MAGI2: variants seen among roughly 807,000 people sequenced by gnomAD.
MAGI2 encodes the protein membrane associated guanylate kinase, WW and PDZ domain containing 2.
MAGI2 carries 35 observed loss-of-function variants against 133.3 expected under a neutral mutation model. The observed-to-expected ratio is 0.26, with a 90% CI of 0.20 to 0.35. MAGI2 has a LOEUF of 0.35. Among genes scored for constraint, MAGI2 ranks in the 10% least tolerant of loss-of-function variants. The pLI is 1.00. For synonymous variants in MAGI2, 729 were observed against 710.6 expected, an observed-to-expected ratio of 1.03 and a Z score of -0.41; for missense variants, 1,636 against 1,863.4, an observed-to-expected ratio of 0.88 and a Z score of 2.25.
chr7:78,936,578 A>G (rs554687347), intron 2 of MAGI2, among the ~76,000 whole-genome samples: 25 of 152,052 alleles, frequency 1.6e-4, no homozygotes, highest in Non-Finnish European at 2.6e-4. Flanking sequence ...CCTGAAAAGA[A>G]TAACACTAAA....
chr7:79,271,870 A>G (rs1834905187), intron 1 of MAGI2, among the ~76,000 whole-genome samples: 1 of 152,032 alleles, frequency 6.6e-6, no homozygotes, highest in Admixed American at 6.6e-5. Context: ...CTGCCCCCTC[A>G]CAAACTCTCC....
At chr7:78,782,379 G>C (rs765071911) in intron 2 of MAGI2, among the ~76,000 whole-genome samples, 8 of 152,160 alleles carry the variant, frequency 5.3e-5, no homozygotes, top group Non-Finnish European at 1.0e-4. Flanking sequence ...AGTAGGCCGA[G>C]AGTCAGTGCG....
chr7:78,138,763 A>G lies in MAGI2; in HGVS notation c.2846-3557T>C, dbSNP rs77917689. 3.8e-3 allele frequency among the ~76,000 whole-genome samples: 578 copies of G among 152,278 alleles called. 12 individuals carry two copies. The South Asian group carries it at 0.043, about 11-fold the overall frequency. ...TTGCTCATTTTAAATCCTTATAGCA[A>G]TAGTGTGAAGTAGCTGTAAAAGTAT... On this transcript the variant is annotated intron_variant, in intron 16 of 21. Coordinates refer to ENST00000354212, the MANE Select transcript of MAGI2 (RefSeq NM_012301.4).
chr7:78,430,099 C>G (rs1009940139), intron 6 of MAGI2, among the ~76,000 whole-genome samples: 2 of 152,128 alleles, frequency 1.3e-5, no homozygotes, highest in African/African-American at 2.4e-5. Flanking sequence ...AATGCAGATT[C>G]CAATTCCATA....
intron 1 of MAGI2, among the ~76,000 whole-genome samples, chr7:79,138,976 C>CA (rs57907314): frequency 0.026 from 1,646 of 64,222 alleles, 24 homozygotes; most frequent in Non-Finnish European, 0.034. Context: ...ACTCTTGTCT[C>CA]AAAAAAAAAA....
At chr7:79,339,756 G>T (rs1239579290) in intron 1 of MAGI2, among the ~76,000 whole-genome samples, 1 of 152,078 alleles carries the variant, frequency 6.6e-6, no homozygotes, top group Non-Finnish European at 1.5e-5. Context: ...TATACTTAAT[G>T]AATATCTTGT....
chr7:79,298,791 G>A (rs1315810533), intron 1 of MAGI2, among the ~76,000 whole-genome samples: 1 of 152,072 alleles, frequency 6.6e-6, no homozygotes, highest in East Asian at 1.9e-4. Flanking sequence ...TAATTCTACA[G>A]GACTAGTGTA....
At chr7:78,240,215 T>C (rs1332359375) in intron 10 of MAGI2, among the ~76,000 whole-genome samples, 1 of 152,208 alleles carries the variant, frequency 6.6e-6, no homozygotes, top group Non-Finnish European at 1.5e-5. Flanking sequence ...TTCCCACCTA[T>C]GAGTGAGAAC....
At chr7:78,653,961 A>G (rs1032735040) in intron 2 of MAGI2, among the ~76,000 whole-genome samples, 8 of 152,218 alleles carry the variant, frequency 5.3e-5, no homozygotes, top group African/African-American at 1.2e-4. Flanking sequence ...GAAGTATTCA[A>G]TAATGAATAT....
At chr7:79,056,073 C>T (rs1478752766) in intron 1 of MAGI2, among the ~76,000 whole-genome samples, 1 of 152,114 alleles carries the variant, frequency 6.6e-6, no homozygotes, top group African/African-American at 2.4e-5. Context: ...ACAACCTATC[C>T]AAAGTCTTTT....
intron 1 of MAGI2, among the ~76,000 whole-genome samples, chr7:79,103,717 T>G (rs1417160252): frequency 6.6e-6 from 1 of 152,048 alleles, no homozygotes; most frequent in Non-Finnish European, 1.5e-5. Flanking sequence ...TTATTTTTTT[T>G]GAGACAGAGT....
chr7:79,159,833 C>A (rs1482495372), intron 1 of MAGI2, among the ~76,000 whole-genome samples: 1 of 151,974 alleles, frequency 6.6e-6, no homozygotes, highest in Non-Finnish European at 1.5e-5. Context: ...ACAGAATTTT[C>A]TTTCAAAAAC....
chr7:78,603,934 A>G (rs1008386383), intron 3 of MAGI2, among the ~76,000 whole-genome samples: 1 of 152,246 alleles, frequency 6.6e-6, no homozygotes, highest in African/African-American at 2.4e-5. Flanking sequence ...GGTAGGGACC[A>G]GAATTAGAAT....
At chr7:78,883,747 A>G (rs1434553566) in intron 2 of MAGI2, among the ~76,000 whole-genome samples, 1 of 152,192 alleles carries the variant, frequency 6.6e-6, no homozygotes, top group Non-Finnish European at 1.5e-5. Flanking sequence ...AAAAAAAGCA[A>G]TGGGGGAAAG....
At chr7:78,518,737 CTT>C (rs1275237040) in intron 4 of MAGI2, 2 of 151,862 alleles carry the variant, frequency 1.3e-5, no homozygotes, top group African/African-American at 4.8e-5. Flanking sequence ...CTCTCTCTCT[CTT>C]TTTGTTTGTC....
intron 21 of MAGI2, chr7:78,072,680 A>T (rs938670339): frequency 1.0e-5 from 4 of 384,096 alleles, no homozygotes; most frequent in Non-Finnish European, 1.8e-5. Context: ...TTTACTTGGC[A>T]ATATTTTTTC....
At chr7:78,028,171 A>T (rs901744562) in intron 21 of MAGI2, among the ~76,000 whole-genome samples, 3 of 152,256 alleles carry the variant, frequency 2.0e-5, no homozygotes, top group Admixed American at 6.5e-5. Context: ...ATTGCAGAAC[A>T]AATGGTTTTA....
chr7:79,140,371 A>G (rs1393987829), intron 1 of MAGI2, among the ~76,000 whole-genome samples: 1 of 152,180 alleles, frequency 6.6e-6, no homozygotes, highest in East Asian at 1.9e-4. Flanking sequence ...TGAAATTCAC[A>G]AGCTCCTCAA....
intron 3 of MAGI2, among the ~76,000 whole-genome samples, chr7:78,585,557 C>G (rs1234203596): frequency 2.0e-5 from 3 of 152,134 alleles, no homozygotes; most frequent in African/African-American, 7.2e-5. Flanking sequence ...GTATTTAAAA[C>G]CAGTGGCAAT....
Sources: gnomAD v4.1 joint callset for allele counts (sites outside exome capture counted in the v4.1 genomes callset) on GRCh38, gnomAD v4.1.1 for gene constraint, MANE v1.5 for transcripts, NCBI Gene and HGNC (gene_info 2026-07-23, HGNC 2026-07-21) for gene names.